Variants in TNFRSF11A observed in about 807,000 individuals in gnomAD.
TNFRSF11A encodes the protein tumor necrosis factor receptor superfamily member 11A.
In TNFRSF11A, 32 loss-of-function variants were observed where a neutral mutation model predicts 55.7. The ratio of observed to expected loss-of-function variants is 0.57; its 90% CI spans 0.43 to 0.77. The LOEUF is 0.77. TNFRSF11A is among the 30% of genes least tolerant of loss of function. TNFRSF11A has a pLI of 0.00. For missense variants in TNFRSF11A, 753 were observed against 809.8 expected (o/e 0.93, Z 0.85); for synonymous variants, 311 against 331.0 (o/e 0.94, Z 0.65).
intron 2 of TNFRSF11A, among the ~76,000 whole-genome samples, chr18:62,348,689 A>G (rs563569757): frequency 2.0e-5 from 3 of 152,176 alleles, no homozygotes; most frequent in Non-Finnish European, 4.4e-5. Context: ...ACCTTTTTCC[A>G]TATACCTGTT....
intron 9 of TNFRSF11A, among the ~76,000 whole-genome samples, chr18:62,382,547 T>A (rs1911366932): frequency 6.6e-6 from 1 of 152,218 alleles, no homozygotes; most frequent in Non-Finnish European, 1.5e-5. Flanking sequence ...TTCTTTTTCT[T>A]CCTTTCTCAC....
At chr18:62,352,687 G>A (rs1056611332) in intron 3 of TNFRSF11A, among the ~76,000 whole-genome samples, 1 of 152,242 alleles carries the variant, frequency 6.6e-6, no homozygotes, top group African/African-American at 2.4e-5. Context: ...GAAGTGGCAT[G>A]TGTCTGTGGA....
intron 9 of TNFRSF11A, among the ~76,000 whole-genome samples, chr18:62,384,262 T>TCTC (rs933466663): frequency 1.3e-5 from 2 of 149,814 alleles, no homozygotes; most frequent in Non-Finnish European, 3.0e-5. Flanking sequence ...CTGTTCCTCC[T>TCTC]CTCCTCCTCC....
At chr18:62,374,759 A>G (rs1184508746) in intron 9 of TNFRSF11A, among the ~76,000 whole-genome samples, 1 of 152,206 alleles carries the variant, frequency 6.6e-6, no homozygotes, top group East Asian at 1.9e-4. Context: ...GACAAAGTAG[A>G]AGCATCATTC....
rs997546646 is a variant in TNFRSF11A, at chr18:62,387,691, A to G, written c.*2657A>G. 6.6e-6 allele frequency: 1 copy of G among 152,204 alleles called. No individual in the cohort carries two copies. The highest frequency in any genetic ancestry group is 1.5e-5 in the Non-Finnish European group (1 of 68,036). 9.4% of individuals were successfully genotyped at this position (152,204 alleles called of 1,614,324 possible). A position where few individuals can be genotyped will look rare whatever the true frequency, so the allele number is the denominator to read the frequency against. On this transcript the variant is annotated 3_prime_UTR_variant, in exon 10 of 10. Transcript: ENST00000586569. ...AAATGGAGTATCATGTTTCCTACTC[A>G]CATTTTACTCAGCTGTCGGAAGGAA...
chr18:62,336,831 A>G (rs1600354733), intron 1 of TNFRSF11A: 1 of 152,326 alleles, frequency 6.6e-6, no homozygotes, highest in African/African-American at 2.4e-5. Flanking sequence ...AAGTTTTGAA[A>G]CGCAAGCTTG....
At chr18:62,356,962 G>A (rs542123523) in intron 4 of TNFRSF11A, among the ~76,000 whole-genome samples, 2 of 152,224 alleles carry the variant, frequency 1.3e-5, no homozygotes, top group South Asian at 2.1e-4. Flanking sequence ...CCGTCTCTTC[G>A]ATTTTGAGGG....
In TNFRSF11A at chr18:62,325,454, C is replaced by T; in HGVS notation, c.75+27C>T. 3.2e-6 allele frequency: 4 copies of T among 1,243,136 alleles called. No homozygotes were observed. The highest frequency in any genetic ancestry group is 4.3e-5 in the East Asian group (1 of 23,166). 77.0% of individuals were successfully genotyped at this position (1,243,136 alleles called of 1,614,324 possible). On this transcript the variant is annotated intron_variant, in intron 1 of 9. Transcript: ENST00000586569. This position sits in a 1 kb window ranked among gnomAD's most constrained non-coding sequence, Gnocchi z 4.7. ...TAAGGAGCGCCCGCGCCTGCCGGGC[C>T]GCGCGGCCCGACGCCTCCTCGGGAG...
In TNFRSF11A at chr18:62,384,916, G is replaced by T; in HGVS notation, c.1733G>T (p.Arg578Leu). The T allele has an allele frequency of 6.4e-7, 1 of 1,563,454 alleles. No homozygotes were observed. Among genetic ancestry groups the T allele is most frequent in the Non-Finnish European group, 8.7e-7 (1 of 1,155,522 alleles). ...RPVQEETLAR[R>L]DSFAGNGPRF... ...GTGCAGGAGGAGACCCTGGCGCGCC[G>T]AGACTCCTTCGCGGGGAACGGCCCG... Residue 578 changes from arginine to leucine, a missense_variant, in exon 10 of 10, where the codon CGA becomes CTA. Around this residue, in one of 3 missense-constraint regions of TNFRSF11A, gnomAD observed 567 missense variants for 596.7 expected, o/e 0.95. Coordinates refer to ENST00000586569, the MANE Select transcript of TNFRSF11A (RefSeq NM_003839.4).
intron 9 of TNFRSF11A, among the ~76,000 whole-genome samples, chr18:62,371,136 A>G (rs1910521220): frequency 6.6e-6 from 1 of 151,930 alleles, no homozygotes; most frequent in African/African-American, 2.4e-5. Flanking sequence ...GGCCTGTTCT[A>G]TTTCTTTTCT....
intron 2 of TNFRSF11A, among the ~76,000 whole-genome samples, chr18:62,349,391 G>A (rs2046432038): frequency 6.6e-6 from 1 of 152,100 alleles, no homozygotes; most frequent in African/African-American, 2.4e-5. Flanking sequence ...CATTTGGCCA[G>A]GCTAGTCTCA....
intron 7 of TNFRSF11A, among the ~76,000 whole-genome samples, chr18:62,366,460 T>C (rs1910093707): frequency 6.6e-6 from 1 of 152,218 alleles, no homozygotes; most frequent in Admixed American, 6.5e-5. Flanking sequence ...TAGTTAATCA[T>C]GTTGTATCAT....
intron 5 of TNFRSF11A, among the ~76,000 whole-genome samples, chr18:62,359,075 T>C (rs1050012590): frequency 4.6e-5 from 7 of 152,176 alleles, no homozygotes; most frequent in Non-Finnish European, 8.8e-5. Context: ...TTCAGTTCCC[T>C]GTATATTTCT....
intron 1 of TNFRSF11A, among the ~76,000 whole-genome samples, chr18:62,331,189 C>T (rs553185846): frequency 2.6e-5 from 4 of 151,334 alleles, no homozygotes; most frequent in African/African-American, 4.9e-5. Flanking sequence ...GGTGACAGAG[C>T]GAGACTCCAT....
intron 8 of TNFRSF11A, among the ~76,000 whole-genome samples, chr18:62,367,099 C>T (rs1051850294): frequency 2.0e-5 from 3 of 152,226 alleles, no homozygotes; most frequent in African/African-American, 7.2e-5. Context: ...ATCCACCTGC[C>T]TCAGCCTCCC....
At chr18:62,350,042 C>T in intron 3 of TNFRSF11A, 105 bp downstream of exon 3, 4 of 1,517,220 alleles carry the variant, frequency 2.6e-6, no homozygotes, top group Non-Finnish European at 2.7e-6. Context: ...GTTTCAGGAA[C>T]ATGAAAGGAA....
At position 62,354,498 on chromosome 18, in the gene TNFRSF11A, A is replaced by G; in HGVS notation, c.391A>G (p.Thr131Ala). The change falls in exon 4 of 10, where the codon ACC (threonine) becomes GCC (alanine). Residue 131 changes from threonine to alanine, a missense_variant. This residue lies in a region of TNFRSF11A where 30 missense variants were observed against 58.0 expected (regional missense o/e 0.52). Coordinates refer to ENST00000586569, the MANE Select transcript of TNFRSF11A (RefSeq NM_003839.4). Reference protein sequence around the residue: ...SQDCECCRRNTECAPGLGAQH... With the variant: ...SQDCECCRRNAECAPGLGAQH... ...GGACTGCGAGTGCTGCCGCCGCAAC[A>G]CCGAGTGCGCGCCGGGCCTGGGCGC... 1.9e-6 allele frequency: 3 copies of G among 1,602,210 alleles called. No homozygotes were observed. Among genetic ancestry groups the G allele is most frequent in the Middle Eastern group, 1.7e-4 (1 of 5,958 alleles).
intron 4 of TNFRSF11A, among the ~76,000 whole-genome samples, chr18:62,356,731 A>T (rs1341906136): frequency 6.6e-6 from 1 of 152,194 alleles, no homozygotes; most frequent in Admixed American, 6.5e-5. Flanking sequence ...CCCAATGTCC[A>T]CTTGTCACCT....
In TNFRSF11A at chr18:62,340,932, C is replaced by T. The variant is rs191848669; in HGVS notation, c.76-7236C>T. ...TCTTATAACACACCATCTTGGTAGGCGCCTATGCGATGTTGTTCTGAAGCT... is the reference window on the plus strand; with the variant it reads ...TCTTATAACACACCATCTTGGTAGGTGCCTATGCGATGTTGTTCTGAAGCT... On this transcript the variant is annotated intron_variant, in intron 1 of 9. Coordinates refer to ENST00000586569, the MANE Select transcript of TNFRSF11A (RefSeq NM_003839.4). Among the ~76,000 whole-genome samples the T allele has an allele frequency of 5.9e-5, 9 of 152,326 alleles. No homozygotes were observed. The East Asian group carries it at 1.2e-3, about 20-fold the overall frequency.
Sources: gnomAD v4.1 joint callset for allele counts (sites outside exome capture counted in the v4.1 genomes callset) on GRCh38, gnomAD v4.1.1 for gene constraint, gnomAD v4.1.1 regional missense constraint, Gnocchi (gnomAD v3.1) non-coding constraint, MANE v1.5 for transcripts, NCBI Gene and HGNC (gene_info 2026-07-23, HGNC 2026-07-21) for gene names.